The following TCF12 variants were observed in gnomAD, a reference collection of about 807,000 sequenced individuals.
TCF12 encodes DNA-binding protein HTF4.
A neutral mutation model predicts 86.0 loss-of-function variants in TCF12; 45 were observed. The observed-to-expected ratio is 0.52, with a 90% CI of 0.41 to 0.67. TCF12 has a LOEUF of 0.67. Among genes scored for constraint, TCF12 ranks in the 30% least tolerant of loss-of-function variants. The probability of loss-of-function intolerance (pLI) is 0.00; values close to 1 mark genes in which losing one functional copy is unlikely to be tolerated. For missense variants in TCF12, 881 were observed against 859.9 expected, an observed-to-expected ratio of 1.02 and a Z score of -0.31; for synonymous variants, 330 against 299.6, an observed-to-expected ratio of 1.10 and a Z score of -1.05.
intron 3 of TCF12, among the ~76,000 whole-genome samples, chr15:57,009,969 G>A (rs1202310958): frequency 2.0e-5 from 3 of 152,130 alleles, no homozygotes; most frequent in Non-Finnish European, 4.4e-5. Context: ...ACCTGTTGGG[G>A]AAAGCACAGG....
chr15:57,056,127 G>GTGTGTGTC (rs2068007364), intron 3 of TCF12, among the ~76,000 whole-genome samples: 1 of 150,938 alleles, frequency 6.6e-6, no homozygotes, highest in Non-Finnish European at 1.5e-5. Flanking sequence ...GTGTGTGTGT[G>GTGTGTGTC]TGTGTGTGTG....
chr15:57,067,401 G>T (rs1174599898), intron 4 of TCF12, among the ~76,000 whole-genome samples: 27 of 151,418 alleles, frequency 1.8e-4, no homozygotes, highest in Admixed American at 1.3e-3. Context: ...TTAGCCGGGC[G>T]TAGTGGTGGG....
intron 3 of TCF12, among the ~76,000 whole-genome samples, chr15:57,027,872 T>C (rs2065911809): frequency 6.6e-6 from 1 of 152,230 alleles, no homozygotes; most frequent in Admixed American, 6.5e-5. Context: ...CCTGCCGCCA[T>C]GCAAGACTTT....
chr15:57,000,517 T>C (rs530237572), intron 3 of TCF12, among the ~76,000 whole-genome samples: 4 of 152,294 alleles, frequency 2.6e-5, no homozygotes, highest in East Asian at 1.9e-4. Context: ...GTTTGTAGCA[T>C]TGAATGTAGA....
chr15:56,963,213 G>GA (rs1436858302), intron 3 of TCF12, among the ~76,000 whole-genome samples: 1 of 151,916 alleles, frequency 6.6e-6, no homozygotes, highest in Non-Finnish European at 1.5e-5. Context: ...TGAGCATACA[G>GA]AAAATTTTTT....
intron 3 of TCF12, among the ~76,000 whole-genome samples, chr15:57,020,103 A>G (rs1567265611): frequency 1.3e-5 from 2 of 152,344 alleles, no homozygotes; most frequent in East Asian, 3.9e-4. Flanking sequence ...GCGATTTCAC[A>G]TTTATAAAAA....
At chr15:57,156,359 C>G (rs772301950) in intron 5 of TCF12, among the ~76,000 whole-genome samples, 1 of 152,146 alleles carries the variant, frequency 6.6e-6, no homozygotes, top group Non-Finnish European at 1.5e-5. Flanking sequence ...AAACTGAGGT[C>G]TAGAGAGGTT....
At chr15:57,111,518 C>T (rs187681673) in intron 5 of TCF12, among the ~76,000 whole-genome samples, 23 of 151,930 alleles carry the variant, frequency 1.5e-4, no homozygotes, top group Admixed American at 1.4e-3. Context: ...CACAGGAGGC[C>T]CAACTCCCAT....
intron 3 of TCF12, among the ~76,000 whole-genome samples, chr15:56,974,327 G>A (rs189481019): frequency 5.7e-4 from 87 of 152,170 alleles, no homozygotes; most frequent in Admixed American, 5.0e-3. Context: ...TATAGCAAAT[G>A]TGATTCTTTG....
intron 3 of TCF12, among the ~76,000 whole-genome samples, chr15:57,039,449 G>A (rs1303460138): frequency 6.6e-6 from 1 of 152,018 alleles, no homozygotes; most frequent in Non-Finnish European, 1.5e-5. Flanking sequence ...TTCCCATTCA[G>A]GCTATTTATA....
Position 57,196,529 on chromosome 15 carries a change from T to C in TCF12, c.527-1244T>C, listed in dbSNP as rs535730875. On this transcript the variant is annotated intron_variant, in intron 7 of 20. Transcript: ENST00000333725. ...CATCAGCTTCCTCATGTGTTCTCTC[T>C]TCCTAATAATGAGCCCCTCAGAAAA... 3.3e-5 allele frequency among the ~76,000 whole-genome samples: 5 copies of C among 152,338 alleles called. No individual in the cohort carries two copies. The South Asian group carries it at 1.0e-3, about 32-fold the overall frequency.
chr15:57,197,806 C>G lies in TCF12; in HGVS notation c.560C>G (p.Pro187Arg). The change falls in exon 8 of 21, where the codon CCT becomes CGT. Residue 187 changes from proline (P) to arginine (R), a missense_variant. By Grantham distance (103) the Pro-to-Arg change is moderately radical (BLOSUM62 -2). Around this residue, in one of 3 missense-constraint regions of TCF12, gnomAD observed 766 missense variants for 718.9 expected, o/e 1.07. Transcript: ENST00000333725. Reference protein sequence around the residue: ...PLQAKKVRKVPPGLPSSVYAP... With the variant: ...PLQAKKVRKVRPGLPSSVYAP... ...CAAGCAAAAAAAGTCAGAAAGGTGCCTCCTGGTTTGCCTTCTTCTGTAAGT... is the reference window on the plus strand; with the variant it reads ...CAAGCAAAAAAAGTCAGAAAGGTGCGTCCTGGTTTGCCTTCTTCTGTAAGT... The G allele has an allele frequency of 6.2e-7, 1 of 1,613,974 alleles. No homozygotes were observed. The highest frequency in any genetic ancestry group is 8.5e-7 in the Non-Finnish European group (1 of 1,179,926).
intron 3 of TCF12, among the ~76,000 whole-genome samples, chr15:56,957,763 G>T (rs1412196230): frequency 2.0e-5 from 3 of 151,932 alleles, no homozygotes; most frequent in African/African-American, 7.3e-5. Context: ...CAGACATTGT[G>T]GATTTTATCT....
intron 3 of TCF12, among the ~76,000 whole-genome samples, chr15:56,968,752 C>CA (rs1441545104): frequency 1.3e-5 from 2 of 152,190 alleles, no homozygotes; most frequent in African/African-American, 4.8e-5. Flanking sequence ...GTGCCAGTGA[C>CA]ACAGCCTCAG....
chr15:57,265,903 A>AT (rs2060841802), intron 18 of TCF12, among the ~76,000 whole-genome samples: 1 of 152,132 alleles, frequency 6.6e-6, no homozygotes, highest in Non-Finnish European at 1.5e-5. Context: ...TATAATAGAC[A>AT]TTTTTTAGCT....
At chr15:57,124,914 C>T (rs1245261613) in intron 5 of TCF12, among the ~76,000 whole-genome samples, 7 of 152,220 alleles carry the variant, frequency 4.6e-5, no homozygotes, top group South Asian at 2.1e-4. Flanking sequence ...CCTCGTGATC[C>T]GCCCGCCTCC....
intron 12 of TCF12, among the ~76,000 whole-genome samples, chr15:57,239,181 G>T (rs183351400): frequency 1.3e-5 from 2 of 150,916 alleles, no homozygotes; most frequent in East Asian, 3.9e-4. Context: ...GAGAAACCCC[G>T]TCTCTACTAA....
At position 57,007,870 on chromosome 15, in the gene TCF12, C is replaced by A. The variant is rs1443676740; in HGVS notation, c.149-55880C>A. ...TTTCCCTCCCTTCCTTCCTTCCTTCCTTCCTTCCTTCCTTCCTTCCTTCCT... is the reference window on the plus strand; with the variant it reads ...TTTCCCTCCCTTCCTTCCTTCCTTCATTCCTTCCTTCCTTCCTTCCTTCCT... On this transcript the variant is annotated intron_variant, in intron 3 of 20. Coordinates refer to ENST00000333725, the MANE Select transcript of TCF12 (RefSeq NM_207037.2). 3.3e-5 allele frequency among the ~76,000 whole-genome samples: 2 copies of A among 61,316 alleles called. 1 individual carries two copies. The highest frequency in any genetic ancestry group is 6.2e-5 in the Non-Finnish European group (2 of 32,338). The allele number at this position is 61,316 out of a possible 152,430, so 40.2% of individuals were successfully genotyped here.
At chr15:56,998,270 A>C (rs1184683034) in intron 3 of TCF12, among the ~76,000 whole-genome samples, 1 of 152,128 alleles carries the variant, frequency 6.6e-6, no homozygotes, top group African/African-American at 2.4e-5. Flanking sequence ...CAGCCTGGAC[A>C]ACATGGTGAA....
Sources: allele counts gnomAD v4.1 joint callset (sites outside exome capture counted in the v4.1 genomes callset), GRCh38; gene constraint gnomAD v4.1.1; regional missense constraint gnomAD v4.1.1; transcripts MANE v1.5; gene names NCBI Gene and HGNC (gene_info 2026-07-23, HGNC 2026-07-21).